The following NLGN4X variants were observed in gnomAD, a reference collection of about 807,000 sequenced individuals.
NLGN4X encodes the protein neuroligin-4, X-linked.
NLGN4X carries 3 observed loss-of-function variants against 40.3 expected under a neutral mutation model. The ratio of observed to expected loss-of-function variants is 0.07; its 90% CI spans 0.03 to 0.19. The LOEUF is 0.19. NLGN4X is among the 10% of genes least tolerant of loss of function. The pLI is 1.00. For synonymous variants in NLGN4X, 270 were observed against 306.8 expected, an observed-to-expected ratio of 0.88 and a Z score of 1.25; for missense variants, 382 against 708.3, an observed-to-expected ratio of 0.54 and a Z score of 5.23.
chrX:5,993,456 G>A (rs779280671), intron 3 of NLGN4X, among the ~76,000 whole-genome samples: 2 of 112,030 alleles, frequency 1.8e-5, no homozygotes, highest in Admixed American at 1.9e-4. Flanking sequence ...AACAGTAACC[G>A]TGGTCTCCAC....
intron 2 of NLGN4X, among the ~76,000 whole-genome samples, chrX:6,049,741 GGC>G (rs748630541): frequency 0.17 from 2,046 of 11,847 alleles, 87 homozygotes; most frequent in Non-Finnish European, 0.29. Flanking sequence ...GGGGGGGGGG[GGC>G]GGTCACAAAA....
Position 5,968,266 on chromosome X carries a change from G to A in NLGN4X, c.626-59027C>T, listed in dbSNP as rs1445438914. ...AGAATTGACACTCTTAATGGGTGGTGGGGAAGAAAATGAGCAGAGTGGAAA... is the reference window on the plus strand; with the variant it reads ...AGAATTGACACTCTTAATGGGTGGTAGGGAAGAAAATGAGCAGAGTGGAAA... On this transcript the variant is annotated intron_variant, in intron 3 of 5. Transcript: ENST00000381095. 2.8e-5 allele frequency among the ~76,000 whole-genome samples: 3 copies of A among 106,754 alleles called. No individual in the cohort carries two copies. In the East Asian group the frequency reaches 8.8e-4, roughly 31 times the overall value. 92.7% of individuals were successfully genotyped at this position (106,754 alleles called of 115,157 possible). A position where few individuals can be genotyped will look rare whatever the true frequency, so the allele number is the denominator to read the frequency against.
chrX:6,053,467 G>T lies in NLGN4X; in HGVS notation c.473-24035C>A, dbSNP rs142469766. Among the ~76,000 whole-genome samples, 16 of 110,852 alleles carry T rather than the reference G, an allele frequency of 1.4e-4. No individual in the cohort carries two copies. In the East Asian group the frequency reaches 4.6e-3, roughly 32 times the overall value. ...AGCAAGCACCTCCAGCCACACACAA[G>T]TGGAAGATGGCCAATGGGTTTCTCA... On this transcript the variant is annotated intron_variant, in intron 2 of 5. Coordinates refer to ENST00000381095, the MANE Select transcript of NLGN4X (RefSeq NM_181332.3).
chrX:6,009,965 T>C (rs2036205879), intron 3 of NLGN4X, among the ~76,000 whole-genome samples: 1 of 112,263 alleles, frequency 8.9e-6, no homozygotes, highest in African/African-American at 3.2e-5. Context: ...TCAGGTTCTA[T>C]GGCGATTTGA....
chrX:6,208,033 C>G (rs1924189333), intron 1 of NLGN4X, among the ~76,000 whole-genome samples: 1 of 111,862 alleles, frequency 8.9e-6, no homozygotes, highest in Non-Finnish European at 1.9e-5. Flanking sequence ...TTTAATCAAT[C>G]AATGTAACAG....
intron 2 of NLGN4X, among the ~76,000 whole-genome samples, chrX:6,121,651 A>C (rs962354826): frequency 8.9e-6 from 1 of 112,431 alleles, no homozygotes; most frequent in African/African-American, 3.2e-5. Context: ...CAACTACTCC[A>C]GTCACAGAAT....
At chrX:6,019,799 T>C (rs2036486117) in intron 3 of NLGN4X, among the ~76,000 whole-genome samples, 1 of 111,973 alleles carries the variant, frequency 8.9e-6, no homozygotes, top group Non-Finnish European at 1.9e-5. Flanking sequence ...GGATGGTGTC[T>C]TTTAGAATTA....
intron 1 of NLGN4X, among the ~76,000 whole-genome samples, chrX:6,162,741 T>G (rs1364973864): frequency 8.9e-6 from 1 of 112,048 alleles, no homozygotes; most frequent in Admixed American, 9.5e-5. Context: ...CCATCTCTTA[T>G]GTGTAAAATG....
chrX:6,113,642 C>T (rs960397425), intron 2 of NLGN4X, among the ~76,000 whole-genome samples: 2 of 107,833 alleles, frequency 1.9e-5, no homozygotes, highest in Non-Finnish European at 3.8e-5. Flanking sequence ...GTTGCAATGC[C>T]CTGGCTTTCA....
intron 3 of NLGN4X, among the ~76,000 whole-genome samples, chrX:5,928,037 G>A (rs761924083): frequency 1.8e-5 from 2 of 111,624 alleles, no homozygotes; most frequent in East Asian, 2.8e-4. Context: ...ATTCCTACAC[G>A]CATCTGCAAC....
At chrX:6,024,655 A>G (rs1444300916) in intron 3 of NLGN4X, among the ~76,000 whole-genome samples, 3 of 111,346 alleles carry the variant, frequency 2.7e-5, no homozygotes, top group Non-Finnish European at 5.7e-5. Context: ...TACTCATTAT[A>G]CGCTAATTAT....
At chrX:6,057,384 T>A (rs2037658822) in intron 2 of NLGN4X, among the ~76,000 whole-genome samples, 1 of 111,679 alleles carries the variant, frequency 9.0e-6, no homozygotes, top group Admixed American at 9.6e-5. Flanking sequence ...TCAGAAATAA[T>A]TCTCAAGCAC....
intron 2 of NLGN4X, among the ~76,000 whole-genome samples, chrX:6,042,544 G>T (rs1427100476): frequency 9.6e-6 from 1 of 104,366 alleles, no homozygotes; most frequent in African/African-American, 3.5e-5. Context: ...TTAAAAATAG[G>T]TACTAAATAA....
At chrX:5,904,388 A>C (rs1485172026) in intron 4 of NLGN4X, among the ~76,000 whole-genome samples, 1 of 112,355 alleles carries the variant, frequency 8.9e-6, no homozygotes, top group Non-Finnish European at 1.9e-5. Context: ...GCGCATTTCT[A>C]CTTCTACCTT....
At chrX:6,075,752 G>A (rs2038179598) in intron 2 of NLGN4X, among the ~76,000 whole-genome samples, 1 of 111,231 alleles carries the variant, frequency 9.0e-6, no homozygotes, top group Non-Finnish European at 1.9e-5. Context: ...GCATACACCA[G>A]CTCTTCTTCA....
intron 2 of NLGN4X, among the ~76,000 whole-genome samples, chrX:6,093,872 C>T (rs1191498763): frequency 1.8e-5 from 2 of 111,308 alleles, no homozygotes; most frequent in Non-Finnish European, 3.8e-5. Context: ...ATATTTTATG[C>T]CACATACGTT....
At position 5,890,971 on chromosome X, in the gene NLGN4X, C is replaced by A. The variant is rs185528611; in HGVS notation, c.*1846G>T. On this transcript the variant is annotated 3_prime_UTR_variant, in exon 6 of 6. Coordinates refer to ENST00000381095, the MANE Select transcript of NLGN4X (RefSeq NM_181332.3). ...TTTTTATGGGGAATGTCCACTTTAG[C>A]GGAGAGATTTAAGACTGGATTTCTA... 80 of 308,030 alleles carry A rather than the reference C, an allele frequency of 2.6e-4. No individual in the cohort carries two copies. The East Asian group carries it at 7.0e-3, about 27-fold the overall frequency. The allele number at this position is 308,030 out of a possible 1,213,427, so 25.4% of individuals were successfully genotyped here.
chrX:6,220,309 A>C (rs5916348), intron 1 of NLGN4X, among the ~76,000 whole-genome samples: 1 of 105,192 alleles, frequency 9.5e-6, no homozygotes, highest in Non-Finnish European at 1.9e-5. Context: ...CTTAAAGATG[A>C]GGCATAGATT....
intron 3 of NLGN4X, among the ~76,000 whole-genome samples, chrX:5,955,484 A>T (rs1313802338): frequency 9.0e-6 from 1 of 111,421 alleles, no homozygotes; most frequent in Non-Finnish European, 1.9e-5. Context: ...TCTCACAGGG[A>T]AGAAAAAAAA....
Sources: allele counts gnomAD v4.1 joint callset (sites outside exome capture counted in the v4.1 genomes callset), GRCh38; gene constraint gnomAD v4.1.1; transcripts MANE v1.5; gene names NCBI Gene and HGNC (gene_info 2026-07-23, HGNC 2026-07-21).